RAB31: variants seen among roughly 807,000 people sequenced by gnomAD.
RAB31 encodes the protein RAB31, member RAS oncogene family, also known as ras-related protein Rab-31.
RAB31 carries 21 observed loss-of-function variants against 25.6 expected under a neutral mutation model. That is an observed-to-expected ratio of 0.82 (90% CI 0.58 to 1.18). The LOEUF (loss-of-function observed/expected upper bound fraction) is 1.18. Among genes scored for constraint, RAB31 ranks in the 50% most tolerant of loss-of-function variants. RAB31 has a pLI of 0.00. For synonymous variants in RAB31, 87 were observed against 84.0 expected, an observed-to-expected ratio of 1.04 and a Z score of -0.20; for missense variants, 196 against 250.1, an observed-to-expected ratio of 0.78 and a Z score of 1.46.
chr18:9,716,293 G>A (rs1433774003), intron 1 of RAB31, among the ~76,000 whole-genome samples: 2 of 152,108 alleles, frequency 1.3e-5, no homozygotes, highest in East Asian at 1.9e-4. Context: ...CAACGCAGGC[G>A]ATCTCGAGTG....
At chr18:9,785,523 G>T (rs556736790) in intron 2 of RAB31, among the ~76,000 whole-genome samples, 1 of 152,260 alleles carries the variant, frequency 6.6e-6, no homozygotes, top group South Asian at 2.1e-4. Context: ...CCAAACCCTT[G>T]TTATAATCTT....
intron 1 of RAB31, among the ~76,000 whole-genome samples, chr18:9,754,225 A>G (rs1470214456): frequency 1.3e-5 from 2 of 152,180 alleles, no homozygotes; most frequent in East Asian, 3.8e-4. Context: ...GGACTTAACA[A>G]CTTTGGATTT....
intron 1 of RAB31, among the ~76,000 whole-genome samples, chr18:9,762,086 G>A (rs886641392): frequency 7.9e-5 from 12 of 152,254 alleles, no homozygotes; most frequent in South Asian, 6.2e-4. Flanking sequence ...AGGATTACAC[G>A]TATGAGCCAC....
At chr18:9,731,749 C>T (rs931376695) in intron 1 of RAB31, among the ~76,000 whole-genome samples, 2 of 151,980 alleles carry the variant, frequency 1.3e-5, no homozygotes, top group African/African-American at 4.8e-5. Flanking sequence ...GCGTGTGGCA[C>T]CACGCCCAGC....
chr18:9,857,955 C>T (rs914033191), intron 6 of RAB31, among the ~76,000 whole-genome samples: 17 of 152,132 alleles, frequency 1.1e-4, no homozygotes, highest in East Asian at 3.9e-4. Context: ...CCTTTAGCCC[C>T]GGAATTCGAG....
chr18:9,776,744 G>A (rs2068374118), intron 2 of RAB31, among the ~76,000 whole-genome samples: 1 of 152,056 alleles, frequency 6.6e-6, no homozygotes, highest in South Asian at 2.1e-4. Context: ...CACATGCAGG[G>A]GGCTGTGTTA....
chr18:9,799,599 C>G (rs1022540413), intron 3 of RAB31, among the ~76,000 whole-genome samples: 2 of 152,016 alleles, frequency 1.3e-5, no homozygotes, highest in Non-Finnish European at 2.9e-5. Flanking sequence ...TGGGCTCAAG[C>G]GATTCTCCCG....
chr18:9,850,360 A>G (rs568530578), intron 6 of RAB31, among the ~76,000 whole-genome samples: 1 of 152,180 alleles, frequency 6.6e-6, no homozygotes, highest in Non-Finnish European at 1.5e-5. Context: ...CCTGGGCTCA[A>G]GTGGTCCTCC....
chr18:9,767,672 T>C (rs2068323013), intron 1 of RAB31, among the ~76,000 whole-genome samples: 1 of 152,208 alleles, frequency 6.6e-6, no homozygotes, highest in Admixed American at 6.5e-5. Flanking sequence ...GATTAAGTAG[T>C]CGCGATCTAT....
chr18:9,829,000 G>A (rs2068663947), intron 5 of RAB31, among the ~76,000 whole-genome samples: 1 of 152,186 alleles, frequency 6.6e-6, no homozygotes, highest in African/African-American at 2.4e-5. Context: ...TGCTGTCACA[G>A]GAGGAGGGAG....
At chr18:9,762,197 C>A (rs1032995682) in intron 1 of RAB31, among the ~76,000 whole-genome samples, 1 of 152,216 alleles carries the variant, frequency 6.6e-6, no homozygotes, top group Non-Finnish European at 1.5e-5. Context: ...TGGGTCCAGT[C>A]CATATGGGAG....
chr18:9,852,148 T>C (rs2068792492), intron 6 of RAB31, among the ~76,000 whole-genome samples: 1 of 152,156 alleles, frequency 6.6e-6, no homozygotes, highest in Non-Finnish European at 1.5e-5. Flanking sequence ...TGAACCATTG[T>C]ATACTCAAAA....
intron 6 of RAB31, among the ~76,000 whole-genome samples, chr18:9,851,177 T>C (rs1206647466): frequency 1.3e-5 from 2 of 151,264 alleles, no homozygotes; most frequent in African/African-American, 4.8e-5. Context: ...GTTTGTCCAC[T>C]TTCTCACCCC....
chr18:9,761,877 G>A (rs904184064), intron 1 of RAB31, among the ~76,000 whole-genome samples: 4 of 152,138 alleles, frequency 2.6e-5, no homozygotes, highest in Non-Finnish European at 4.4e-5. Context: ...GTGTGATCTT[G>A]GCTCACTGCA....
chr18:9,832,131 A>G (rs2068681650), intron 5 of RAB31, among the ~76,000 whole-genome samples: 1 of 152,190 alleles, frequency 6.6e-6, no homozygotes, highest in African/African-American at 2.4e-5. Context: ...GGCGACATGC[A>G]GTGAGAAGAA....
chr18:9,803,722 T>C (rs12454355), intron 3 of RAB31, among the ~76,000 whole-genome samples: 10,352 of 152,280 alleles, frequency 0.068, 435 homozygotes, highest in African/African-American at 0.12. Context: ...TTCATTGATA[T>C]TTGAAAATTG....
chr18:9,783,044 A>G (rs1183896123), intron 2 of RAB31, among the ~76,000 whole-genome samples: 1 of 152,160 alleles, frequency 6.6e-6, no homozygotes, highest in Non-Finnish European at 1.5e-5. Context: ...TCAAATACTG[A>G]GAGTCTTTCT....
chr18:9,780,802 C>T (rs1259779934), intron 2 of RAB31, among the ~76,000 whole-genome samples: 1 of 152,022 alleles, frequency 6.6e-6, no homozygotes, highest in Non-Finnish European at 1.5e-5. Context: ...TGGTGGTGCA[C>T]GCCTGTAATC....
At chr18:9,730,977 G>C (rs1002459412) in intron 1 of RAB31, among the ~76,000 whole-genome samples, 2 of 152,212 alleles carry the variant, frequency 1.3e-5, no homozygotes, top group African/African-American at 4.8e-5. Flanking sequence ...CAACTCTTGA[G>C]TTTTGAGAGT....
Sources: gnomAD v4.1 joint callset for allele counts (sites outside exome capture counted in the v4.1 genomes callset) on GRCh38, gnomAD v4.1.1 for gene constraint, MANE v1.5 for transcripts, NCBI Gene and HGNC (gene_info 2026-07-23, HGNC 2026-07-21) for gene names.